The following RABGAP1 variants were observed in gnomAD, a reference collection of about 807,000 sequenced individuals.
The protein encoded by RABGAP1 is RAB GTPase activating protein 1.
RABGAP1 carries 23 observed loss-of-function variants against 137.6 expected under a neutral mutation model. The ratio of observed to expected loss-of-function variants is 0.17; its 90% confidence interval spans 0.12 to 0.24. RABGAP1 has a LOEUF of 0.24. Among genes scored for constraint, RABGAP1 ranks in the 10% least tolerant of loss-of-function variants. The pLI, the probability that RABGAP1 is intolerant of heterozygous loss-of-function variation, is 1.00. For missense variants in RABGAP1, 906 were observed against 1,275.8 expected (o/e 0.71, Z 4.42); for synonymous variants, 451 against 450.7 (o/e 1.00, Z -0.01).
intron 1 of RABGAP1, among the ~76,000 whole-genome samples, chr9:122,948,698 C>A (rs1232305495): frequency 6.6e-6 from 1 of 152,026 alleles, no homozygotes; most frequent in Non-Finnish European, 1.5e-5. Flanking sequence ...AGTGTTTGGT[C>A]CAAAGGGAAC....
At chr9:122,958,978 C>T (rs908903327) in intron 2 of RABGAP1, among the ~76,000 whole-genome samples, 3 of 152,272 alleles carry the variant, frequency 2.0e-5, no homozygotes, top group Non-Finnish European at 4.4e-5. Context: ...CACTGTACTT[C>T]AGCCCGGGTG....
intron 13 of RABGAP1, among the ~76,000 whole-genome samples, chr9:123,037,412 C>G (rs2032720917): frequency 1.3e-5 from 2 of 152,074 alleles, no homozygotes; most frequent in African/African-American, 4.8e-5. Context: ...AAATTTTATT[C>G]TAAGCTGCTT....
intron 13 of RABGAP1, among the ~76,000 whole-genome samples, chr9:123,023,700 A>G (rs2031787792): frequency 6.6e-6 from 1 of 152,180 alleles, no homozygotes; most frequent in Non-Finnish European, 1.5e-5. Context: ...GCTATTATGA[A>G]TAAAACTGCT....
chr9:123,098,388 C>T (rs1299248326), intron 22 of RABGAP1, among the ~76,000 whole-genome samples: 2 of 152,228 alleles, frequency 1.3e-5, no homozygotes, highest in Non-Finnish European at 1.5e-5. Flanking sequence ...GCTGAAAACC[C>T]GCAGTCCTCT....
At chr9:123,045,732 T>G (rs571321196) in intron 13 of RABGAP1, among the ~76,000 whole-genome samples, 30 of 152,216 alleles carry the variant, frequency 2.0e-4, no homozygotes, top group African/African-American at 5.3e-4. Context: ...TCTTGGATCA[T>G]TTTTTTCCTC....
intron 13 of RABGAP1, among the ~76,000 whole-genome samples, chr9:123,049,099 A>G (rs1336077041): frequency 6.6e-6 from 1 of 152,222 alleles, no homozygotes; most frequent in East Asian, 1.9e-4. Context: ...ATCTTTTCTG[A>G]GGAAGTCATC....
rs2275512 is a variant in RABGAP1, at chr9:123,054,100, G to A, written c.1795-11248G>A. Among the ~76,000 whole-genome samples, 173 of 152,240 alleles carry A rather than the reference G, an allele frequency of 1.1e-3. 3 individuals carry two copies. The East Asian group carries it at 0.031, about 28-fold the overall frequency. On this transcript the variant is annotated intron_variant, in intron 13 of 25. Coordinates refer to ENST00000373647, the MANE Select transcript of RABGAP1 (RefSeq NM_012197.4). ...CAGCACAAATGTTACTATTTCCTTCGATTTTTATCTGCACAATCTATTTTA... is the reference window on the plus strand; with the variant it reads ...CAGCACAAATGTTACTATTTCCTTCAATTTTTATCTGCACAATCTATTTTA...
At chr9:123,018,586 A>G (rs1383704667) in intron 12 of RABGAP1, among the ~76,000 whole-genome samples, 1 of 152,246 alleles carries the variant, frequency 6.6e-6, no homozygotes, top group Non-Finnish European at 1.5e-5. Context: ...GCTATAGCAT[A>G]CCAGGGATTG....
intron 13 of RABGAP1, among the ~76,000 whole-genome samples, chr9:123,030,710 CCTT>C (rs1489057974): frequency 1.2e-4 from 18 of 152,238 alleles, no homozygotes; most frequent in Middle Eastern, 3.4e-3. Flanking sequence ...TCAGTAACCT[CCTT>C]CTAGCTATTT....
intron 19 of RABGAP1, among the ~76,000 whole-genome samples, chr9:123,089,369 T>C (rs576807476): frequency 6.6e-6 from 1 of 152,072 alleles, no homozygotes; most frequent in Non-Finnish European, 1.5e-5. Flanking sequence ...AGGATGAGAA[T>C]AGCACACCTC....
intron 13 of RABGAP1, among the ~76,000 whole-genome samples, chr9:123,029,982 C>G (rs567519279): frequency 6.6e-6 from 1 of 152,210 alleles, no homozygotes; most frequent in East Asian, 1.9e-4. Flanking sequence ...TTTTTTGTTA[C>G]ATTTCATTTC....
chr9:122,996,935 G>T (rs750167822), intron 8 of RABGAP1: 84 of 513,120 alleles, frequency 1.6e-4, no homozygotes, highest in Non-Finnish European at 3.2e-5. Flanking sequence ...GGAGTTATTA[G>T]TATTATTCCC....
At chr9:123,082,151 CT>C (rs2034729141) in intron 19 of RABGAP1, among the ~76,000 whole-genome samples, 1 of 151,668 alleles carries the variant, frequency 6.6e-6, no homozygotes, top group African/African-American at 2.4e-5. Flanking sequence ...AGGCCTTTTA[CT>C]TCTCCTATTC....
At position 123,042,002 on chromosome 9, in the gene RABGAP1, AGAAG is replaced by A. The variant is rs1487829796; in HGVS notation, c.1794+21545_1794+21548del. 5.9e-5 allele frequency among the ~76,000 whole-genome samples: 9 copies of A among 152,354 alleles called. No homozygotes were observed. The South Asian group carries it at 1.7e-3, about 28-fold the overall frequency. On this transcript the variant is annotated intron_variant, in intron 13 of 25. Transcript: ENST00000373647. ...GGCAACTGGTTTTCACCATTGCAGC[AGAAG>A]GTGGGAGATTTACTCTTTGGAAAAG...
chr9:122,975,211 C>G (rs911903003), intron 2 of RABGAP1, among the ~76,000 whole-genome samples: 3 of 152,160 alleles, frequency 2.0e-5, no homozygotes, highest in Non-Finnish European at 4.4e-5. Context: ...CAAAGTGTCC[C>G]TTCCTAAGCA....
chr9:123,086,446 G>A (rs1010854892), intron 19 of RABGAP1, among the ~76,000 whole-genome samples: 2 of 152,174 alleles, frequency 1.3e-5, no homozygotes, highest in African/African-American at 2.4e-5. Flanking sequence ...AGGCTGGGAG[G>A]TGCTGGCCTC....
chr9:123,101,791 C>T (rs2035353439), intron 25 of RABGAP1, 28 bp downstream of exon 25: 1 of 1,543,580 alleles, frequency 6.5e-7, no homozygotes, highest in Non-Finnish European at 8.7e-7. Context: ...CAGACATGTG[C>T]CTGCGGGCTG....
At chr9:123,059,622 G>A (rs2033889281) in intron 13 of RABGAP1, among the ~76,000 whole-genome samples, 1 of 152,098 alleles carries the variant, frequency 6.6e-6, no homozygotes, top group African/African-American at 2.4e-5. Context: ...GTTAGGAGAT[G>A]GGGCCTTTGG....
At chr9:123,013,441 C>A (rs2030979690) in intron 11 of RABGAP1, among the ~76,000 whole-genome samples, 1 of 151,962 alleles carries the variant, frequency 6.6e-6, no homozygotes, top group Non-Finnish European at 1.5e-5. Flanking sequence ...AAGTGATTCT[C>A]CTGCCTCAGC....
Sources: gnomAD v4.1 joint callset for allele counts (sites outside exome capture counted in the v4.1 genomes callset) on GRCh38, gnomAD v4.1.1 for gene constraint, MANE v1.5 for transcripts, NCBI Gene and HGNC (gene_info 2026-07-23, HGNC 2026-07-21) for gene names.